EPS15L1: variants seen among roughly 807,000 people sequenced by gnomAD.
EPS15L1 encodes epidermal growth factor receptor substrate 15-like 1.
Under a neutral mutation model 117.1 loss-of-function variants are expected in EPS15L1, and 43 were observed. The ratio of observed to expected loss-of-function variants is 0.37; its 90% CI spans 0.29 to 0.47. The LOEUF (loss-of-function observed/expected upper bound fraction) is 0.47. Ranked by LOEUF, EPS15L1 falls within the 20% of genes least tolerant of loss-of-function variation. The pLI, the probability that EPS15L1 is intolerant of heterozygous loss-of-function variation, is 0.99. For missense variants in EPS15L1, 981 were observed against 1,164.0 expected (o/e 0.84, Z 2.29); for synonymous variants, 459 against 470.5 (o/e 0.98, Z 0.32).
intron 4 of EPS15L1, chr19:16,440,618 G>A: frequency 3.6e-6 from 1 of 278,110 alleles, no homozygotes. Flanking sequence ...CACATGTAAG[G>A]TTACAAAACA....
rs536475053 is a variant in EPS15L1 at position 16,385,701 on chromosome 19, G to A, written c.2164+470C>T. 9.5e-4 allele frequency among the ~76,000 whole-genome samples: 144 copies of A among 152,236 alleles called. 3 individuals carry two copies. The highest frequency in any genetic ancestry group is 8.7e-3 in the South Asian group (42 of 4,826). On this transcript the variant is annotated intron_variant, in intron 20 of 23. Transcript: ENST00000455140. ...CACGCAAGCTGCAGGACCAAGCGGG[G>A]CCTGTTCCCAAAAGAAAGGGGGTGT...
intron 1 of EPS15L1, among the ~76,000 whole-genome samples, chr19:16,452,633 G>GAA (rs58224667): frequency 1.6e-4 from 14 of 87,962 alleles, no homozygotes; most frequent in Non-Finnish European, 2.7e-4. Flanking sequence ...AATGTCATCT[G>GAA]AAAAAAAAAA....
intron 22 of EPS15L1, among the ~76,000 whole-genome samples, chr19:16,364,434 C>T (rs1323412314): frequency 6.6e-6 from 1 of 152,146 alleles, no homozygotes; most frequent in Non-Finnish European, 1.5e-5. Flanking sequence ...CCCAGATGTC[C>T]CTCCCACCTT....
intron 10 of EPS15L1, among the ~76,000 whole-genome samples, chr19:16,421,066 G>T (rs2092808986): frequency 6.6e-6 from 1 of 152,266 alleles, no homozygotes; most frequent in African/African-American, 2.4e-5. Flanking sequence ...CAAATGGCCT[G>T]GGAGCACTTA....
At chr19:16,448,428 G>T (rs1411756288) in intron 1 of EPS15L1, among the ~76,000 whole-genome samples, 2 of 151,972 alleles carry the variant, frequency 1.3e-5, no homozygotes, top group African/African-American at 4.8e-5. Context: ...TACTCGGGAG[G>T]CTGAGGCAGG....
chr19:16,361,370 AG>A (rs2092048590), intron 23 of EPS15L1, among the ~76,000 whole-genome samples: 2 of 152,156 alleles, frequency 1.3e-5, no homozygotes, highest in South Asian at 4.1e-4. Flanking sequence ...TTGTGCACAA[AG>A]GGCTTTTTGG....
At chr19:16,431,582 G>A (rs998858948) in intron 7 of EPS15L1, among the ~76,000 whole-genome samples, 2 of 152,108 alleles carry the variant, frequency 1.3e-5, no homozygotes, top group Non-Finnish European at 2.9e-5. Context: ...GATTACATGC[G>A]TGAGCCACCG....
At chr19:16,364,566 C>T (rs1480558179) in intron 22 of EPS15L1, among the ~76,000 whole-genome samples, 1 of 152,220 alleles carries the variant, frequency 6.6e-6, no homozygotes, top group African/African-American at 2.4e-5. Flanking sequence ...CTCACACCCC[C>T]ACCTTGAGAC....
At chr19:16,418,228 GC>G in intron 10 of EPS15L1, 124 bp from the exon 11 acceptor site, 3 of 1,070,116 alleles carry the variant, frequency 2.8e-6, no homozygotes, top group Non-Finnish European at 4.0e-6. Context: ...GTGGTGGCAA[GC>G]CCCAGCTCCT....
At chr19:16,400,954 C>G in intron 16 of EPS15L1, 1 of 985,382 alleles carries the variant, frequency 1.0e-6, no homozygotes, top group Non-Finnish European at 1.2e-6. Flanking sequence ...AAGCCAAAAG[C>G]GGTGCCAGGG....
intron 23 of EPS15L1, among the ~76,000 whole-genome samples, 179 bp from the exon 24 acceptor site, chr19:16,356,030 GCCC>G (rs939370956): frequency 6.6e-6 from 1 of 152,240 alleles, no homozygotes; most frequent in Non-Finnish European, 1.5e-5. Context: ...CCTGTCTCAG[GCCC>G]CCCATCTGGA....
chr19:16,424,701 C>A (rs2092851817), intron 9 of EPS15L1, among the ~76,000 whole-genome samples: 1 of 151,902 alleles, frequency 6.6e-6, no homozygotes, highest in Admixed American at 6.6e-5. Flanking sequence ...GCTCTTGTTG[C>A]CCAGGCTGGA....
At chr19:16,449,049 G>A (rs141537729) in intron 1 of EPS15L1, among the ~76,000 whole-genome samples, 93 of 152,096 alleles carry the variant, frequency 6.1e-4, no homozygotes, top group Non-Finnish European at 9.8e-4. Context: ...CAAAGCAGGA[G>A]GACTGCTTGA....
chr19:16,358,056 G>A (rs2092006177), intron 23 of EPS15L1: 1 of 152,694 alleles, frequency 6.5e-6, no homozygotes, highest in East Asian at 1.9e-4. Flanking sequence ...ATGTTCGCCT[G>A]GATCCAAATC....
chr19:16,428,843 C>G (rs115905707), intron 7 of EPS15L1, 82 bp from the exon 8 acceptor site: 1 of 1,099,124 alleles, frequency 9.1e-7, no homozygotes, highest in Non-Finnish European at 1.4e-6. Context: ...CTCAGACTCT[C>G]AGCCGTGGCA....
chr19:16,467,280 C>T (rs897202376), intron 1 of EPS15L1, among the ~76,000 whole-genome samples: 16 of 151,700 alleles, frequency 1.1e-4, no homozygotes, highest in Non-Finnish European at 1.9e-4. Context: ...TCCCGAGTGG[C>T]CGGGATTACA....
Position 16,361,895 on chromosome 19 carries a change from G to A in EPS15L1, c.2470C>T (p.Pro824Ser). ...CCAAACCCCTTTTTACTTTGGAACG[G>A]GTCGCCGCTGTCAGCCCCGAGTGGC... ...FQPLGADSGD[P>S]FQSKKGFGDP... is the part of the protein sequence containing the mutation. Residue 824 changes from proline (P) to serine (S), a missense_variant, in exon 23 of 24, where the codon CCG becomes TCG. Pro to Ser is a moderately conservative substitution (Grantham distance 74, BLOSUM62 -1). This residue lies in a region of EPS15L1 where 819 missense variants were observed against 949.0 expected (regional missense o/e 0.86). Transcript: ENST00000455140. The A allele has an allele frequency of 6.2e-7, 1 of 1,614,174 alleles. No homozygotes were observed. Among genetic ancestry groups the A allele is most frequent in the Non-Finnish European group, 8.5e-7 (1 of 1,180,026 alleles).
rs536463681 is a variant in EPS15L1 at position 16,393,691 on chromosome 19, A to T, written c.1966+260T>A. Reference sequence around the variant, plus strand: ...AAAATAAATAAATAAATAAATAAATAAAATAAATAAATAAATTAGCAAGCA... The same window carrying T: ...AAAATAAATAAATAAATAAATAAATTAAATAAATAAATAAATTAGCAAGCA... On this transcript the variant is annotated intron_variant, in intron 18 of 23. Coordinates refer to ENST00000455140, the MANE Select transcript of EPS15L1 (RefSeq NM_001258374.3). Among the ~76,000 whole-genome samples the T allele has an allele frequency of 4.5e-3, 681 of 150,808 alleles. 8 individuals carry two copies. The highest frequency in any genetic ancestry group is 0.015 in the African/African-American group (625 of 41,146).
At chr19:16,386,057 T>C in intron 20 of EPS15L1, 114 bp downstream of exon 20, 3 of 808,794 alleles carry the variant, frequency 3.7e-6, no homozygotes, top group African/African-American at 1.7e-5. Context: ...TGCCACTGAC[T>C]GATGACACAA....
Sources: allele counts gnomAD v4.1 joint callset (sites outside exome capture counted in the v4.1 genomes callset), GRCh38; gene constraint gnomAD v4.1.1; regional missense constraint gnomAD v4.1.1; transcripts MANE v1.5; gene names NCBI Gene and HGNC (gene_info 2026-07-23, HGNC 2026-07-21).